The following SLC71A1 variants were observed in gnomAD, a reference collection of about 807,000 sequenced individuals.
SLC71A1 encodes the protein hippocampus abundant gene transcript 1.
chr1:100,077,561 T>C, the SLC71A1 span, among the ~76,000 whole-genome samples: 1 of 152,222 alleles, frequency 6.6e-6, no homozygotes, highest in African/African-American at 2.4e-5. Flanking sequence ...AATCAGTCCG[T>C]TACTAGGAAA....
the SLC71A1 span, chr1:100,060,067 T>G: frequency 7.0e-7 from 1 of 1,437,182 alleles, no homozygotes; most frequent in African/African-American, 1.4e-5. Flanking sequence ...TTCTTAATGT[T>G]CCTTTATTTC....
At chr1:100,048,664 A>AT in the SLC71A1 span, among the ~76,000 whole-genome samples, 1 of 151,582 alleles carries the variant, frequency 6.6e-6, no homozygotes, top group Non-Finnish European at 1.5e-5. Flanking sequence ...AACCTTCACT[A>AT]TTTTCCTGTG....
the SLC71A1 span, among the ~76,000 whole-genome samples, chr1:100,077,726 GTC>G: frequency 6.6e-6 from 1 of 152,220 alleles, no homozygotes. Context: ...TTCATGCTGT[GTC>G]TCAGCTTTTC....
the SLC71A1 span, among the ~76,000 whole-genome samples, chr1:100,045,322 G>T: frequency 5.3e-5 from 8 of 152,090 alleles, no homozygotes; most frequent in African/African-American, 1.9e-4. Flanking sequence ...ATATAGCAGT[G>T]CTATTGATTT....
the SLC71A1 span, chr1:100,069,629 C>T: frequency 1.9e-6 from 3 of 1,610,752 alleles, no homozygotes; most frequent in Non-Finnish European, 8.5e-7. Flanking sequence ...GAAATTTTCA[C>T]CAGAAAGTGT....
chr1:100,076,855 C>T, the SLC71A1 span, among the ~76,000 whole-genome samples: 1 of 152,188 alleles, frequency 6.6e-6, no homozygotes, highest in Non-Finnish European at 1.5e-5. Context: ...TAATGGGGAT[C>T]TCCAAATCAT....
the SLC71A1 span, among the ~76,000 whole-genome samples, chr1:100,040,923 G>A: frequency 6.6e-6 from 1 of 152,168 alleles, no homozygotes; most frequent in African/African-American, 2.4e-5. Flanking sequence ...TCAGTGAGAT[G>A]TCTGAGGCTC....
chr1:100,082,982 T>C, the SLC71A1 span: 3 of 152,684 alleles, frequency 2.0e-5, no homozygotes, highest in African/African-American at 7.2e-5. Flanking sequence ...AAAAATTATA[T>C]AGTAAAGCTG....
the SLC71A1 span, among the ~76,000 whole-genome samples, chr1:100,049,311 T>C: frequency 1.3e-5 from 2 of 151,770 alleles, no homozygotes; most frequent in African/African-American, 4.8e-5. Context: ...TGCCACTTGC[T>C]TCATTTATGG....
chr1:100,048,431 T>C, the SLC71A1 span, among the ~76,000 whole-genome samples: 4 of 152,214 alleles, frequency 2.6e-5, no homozygotes, highest in South Asian at 6.2e-4. Context: ...CTGCCCACCT[T>C]GGCCTCCCAA....
At chr1:100,062,693 G>A in the SLC71A1 span, among the ~76,000 whole-genome samples, 1 of 152,024 alleles carries the variant, frequency 6.6e-6, no homozygotes, top group African/African-American at 2.4e-5. Context: ...GTTTTAAAAG[G>A]GACTGATTTC....
chr1:100,082,029 C>T, the SLC71A1 span: 3 of 1,613,284 alleles, frequency 1.9e-6, no homozygotes, highest in South Asian at 1.1e-5. Flanking sequence ...GCCCTCCCTT[C>T]CTATTTGGAG....
the SLC71A1 span, chr1:100,068,128 T>C: frequency 1.9e-6 from 3 of 1,614,184 alleles, no homozygotes; most frequent in Non-Finnish European, 2.5e-6. Flanking sequence ...CCAGAGTCGT[T>C]GCCTGAGAAA....
At chr1:100,071,289 C>CAAAAAAAAAAAAAAAAAAAAAAAA in the SLC71A1 span, among the ~76,000 whole-genome samples, 1 of 53,388 alleles carries the variant, frequency 1.9e-5, no homozygotes, top group Non-Finnish European at 3.5e-5. Context: ...CCATCTCTAC[C>CAAAAAAAAAAAAAAAAAAAAAAAA]AAAAAAAAAA....
At chr1:100,082,640 T>C in the SLC71A1 span, 1 of 155,160 alleles carries the variant, frequency 6.4e-6, no homozygotes, top group South Asian at 2.0e-4. Context: ...GATTTTAATA[T>C]TGTAAAATCT....
the SLC71A1 span, among the ~76,000 whole-genome samples, chr1:100,064,229 C>A: frequency 2.1e-4 from 32 of 152,238 alleles, no homozygotes; most frequent in Non-Finnish European, 3.7e-4. Flanking sequence ...GCAACCTCCG[C>A]CTCCTGGGTT....
At chr1:100,068,044 A>G in the SLC71A1 span, 2 of 1,614,212 alleles carry the variant, frequency 1.2e-6, no homozygotes, top group South Asian at 1.1e-5. Context: ...GGACGAGTAT[A>G]TGGGGACAGC....
At chr1:100,057,953 T>C in the SLC71A1 span, 1 of 152,348 alleles carries the variant, frequency 6.6e-6, no homozygotes, top group Middle Eastern at 3.4e-3. Flanking sequence ...GATAATATTA[T>C]CTAATTCACA....
At chr1:100,066,984 G>A in the SLC71A1 span, among the ~76,000 whole-genome samples, 21 of 71,130 alleles carry the variant, frequency 3.0e-4, no homozygotes, top group Admixed American at 1.9e-3. Flanking sequence ...GCGAGACTCC[G>A]TCTCAAAAAA....
Sources: gnomAD v4.1 joint callset for allele counts (sites outside exome capture counted in the v4.1 genomes callset) on GRCh38, gnomAD v4.1.1 for gene constraint, MANE v1.5 for transcripts, NCBI Gene and HGNC (gene_info 2026-07-23, HGNC 2026-07-21) for gene names.